The following ALS2 variants were observed in gnomAD, a reference collection of about 807,000 sequenced individuals.
ALS2 encodes the protein alsin Rho guanine nucleotide exchange factor ALS2, also known as alsin.
ALS2 carries 117 observed loss-of-function variants against 203.4 expected under a neutral mutation model. The ratio of observed to expected loss-of-function variants is 0.58; its 90% CI spans 0.50 to 0.67. The LOEUF (loss-of-function observed/expected upper bound fraction) is 0.67. Ranked by LOEUF, ALS2 falls within the 30% of genes least tolerant of loss-of-function variation. The probability of loss-of-function intolerance (pLI) is 0.00; values close to 1 mark genes in which losing one functional copy is unlikely to be tolerated. For missense variants in ALS2, 1,715 were observed against 1,989.4 expected (o/e 0.86, Z 2.62); for synonymous variants, 718 against 725.9 (o/e 0.99, Z 0.17).
chr2:201,779,847 A>G (rs762263167), intron 1 of ALS2: 1 of 152,188 alleles, frequency 6.6e-6, no homozygotes, highest in Non-Finnish European at 1.5e-5. Context: ...AGGTTAAAAC[A>G]CCGTAGTTTA....
intron 12 of ALS2, among the ~76,000 whole-genome samples, chr2:201,737,638 GGGGCT>G (rs1559060872): frequency 6.6e-6 from 1 of 152,136 alleles, no homozygotes; most frequent in Non-Finnish European, 1.5e-5. Flanking sequence ...AAGCAAACAT[GGGGCT>G]GGGCATGGTG....
chr2:201,729,225 T>C (rs1691388884), intron 13 of ALS2, 42 bp from the exon 14 acceptor site: 3 of 1,582,030 alleles, frequency 1.9e-6, no homozygotes, highest in Non-Finnish European at 2.6e-6. Context: ...AAAAAGAACA[T>C]AAAACCATTA....
chr2:201,750,102 G>A (rs1004901626), intron 7 of ALS2, among the ~76,000 whole-genome samples: 1 of 151,116 alleles, frequency 6.6e-6, no homozygotes, highest in African/African-American at 2.4e-5. Flanking sequence ...GCAGGCAGAA[G>A]TTGCAGTGAG....
At chr2:201,743,129 C>T (rs113069750) in intron 10 of ALS2, among the ~76,000 whole-genome samples, 7,865 of 150,618 alleles carry the variant, frequency 0.052, 222 homozygotes, top group Middle Eastern at 0.088. Flanking sequence ...ATGTCCTCAA[C>T]ATGGCAAAAG....
intron 7 of ALS2, among the ~76,000 whole-genome samples, 186 bp from the exon 8 acceptor site, chr2:201,749,975 C>A (rs927198174): frequency 2.0e-5 from 3 of 151,816 alleles, no homozygotes; most frequent in Admixed American, 6.6e-5. Flanking sequence ...AGAGATAATG[C>A]GCAAATAGAG....
In ALS2 at chr2:201,710,990, C is replaced by A; in HGVS notation, c.4122+1G>T. The A allele has an allele frequency of 6.4e-7, 1 of 1,564,528 alleles. No homozygotes were observed. Among genetic ancestry groups the A allele is most frequent in the Non-Finnish European group, 8.8e-7 (1 of 1,135,264 alleles). ...CCAATGTAATTTTTACTCTAGTTTA[C>A]CTTTATTAAATATTTCCTGATGTCA... is the stretch of plus-strand genomic sequence containing the variant. On this transcript the variant is annotated splice_donor_variant, in intron 26 of 33. Transcript: ENST00000264276. LOFTEE classifies it high-confidence loss of function.
rs1692675003 is a variant in ALS2, at chr2:201,746,599, A to G, written c.1965T>C (p.Gly655=). The change falls in exon 9 of 34, where the codon GGT becomes GGC. Residue 655 remains glycine (G), a synonymous_variant. Coordinates refer to ENST00000264276, the MANE Select transcript of ALS2 (RefSeq NM_020919.4). ...EGDNLPENHS[G]SKTPVLLSCS... The stretch of plus-strand genomic sequence containing the variant: ...AGGAGAGAAGTACTGGAGTCTTAGA[A>G]CCACTGTGATTCTCTGGAAGGTTGT... 1.2e-6 allele frequency: 2 copies of G among 1,614,194 alleles called. No homozygotes were observed. Among genetic ancestry groups the G allele is most frequent in the Admixed American group, 1.7e-5 (1 of 60,024 alleles).
At chr2:201,761,864 A>G in intron 3 of ALS2, 46 bp from the exon 4 acceptor site, 1 of 1,596,828 alleles carries the variant, frequency 6.3e-7, no homozygotes, top group Non-Finnish European at 8.5e-7. Flanking sequence ...GGGTTAGTGA[A>G]TTAACTAAAA....
chr2:201,747,913 C>T (rs1052591417), intron 8 of ALS2, among the ~76,000 whole-genome samples: 11 of 152,210 alleles, frequency 7.2e-5, no homozygotes, highest in Non-Finnish European at 1.2e-4. Flanking sequence ...CCACTCCATC[C>T]TTAACCAAAG....
At chr2:201,763,758 T>C (rs1693901704) in intron 3 of ALS2, among the ~76,000 whole-genome samples, 1 of 152,224 alleles carries the variant, frequency 6.6e-6, no homozygotes, top group Non-Finnish European at 1.5e-5. Flanking sequence ...TGTCCAGCTA[T>C]GCTACCAAGT....
At chr2:201,729,297 G>A in intron 13 of ALS2, 114 bp from the exon 14 acceptor site, 1 of 1,240,294 alleles carries the variant, frequency 8.1e-7, no homozygotes, top group East Asian at 2.6e-5. Context: ...AGAAAATTCA[G>A]CCCACGAGCA....
At chr2:201,739,628 A>G (rs2106038612) in intron 11 of ALS2, among the ~76,000 whole-genome samples, 1 of 152,230 alleles carries the variant, frequency 6.6e-6, no homozygotes, top group South Asian at 2.1e-4. Context: ...CTGTAATCCC[A>G]GCTACTTGGG....
In ALS2 at chr2:201,700,611, A is replaced by G. The variant is rs984139595; in HGVS notation, c.*1240T>C. On this transcript the variant is annotated 3_prime_UTR_variant, in exon 34 of 34. Coordinates refer to ENST00000264276, the MANE Select transcript of ALS2 (RefSeq NM_020919.4). The stretch of plus-strand genomic sequence containing the variant: ...GTTACATTACAGCCAACATTCCAAA[A>G]CAGTATTTTAATAAACACTTGTCTT... The G allele has an allele frequency of 2.6e-5, 4 of 152,658 alleles. No individual in the cohort carries two copies. Among genetic ancestry groups the G allele is most frequent in the Non-Finnish European group, 4.4e-5 (3 of 68,042 alleles). 9.5% of individuals were successfully genotyped at this position (152,658 alleles called of 1,614,324 possible). A position where few individuals can be genotyped will look rare whatever the true frequency, so the allele number is the denominator to read the frequency against.
At chr2:201,729,962 C>T in intron 13 of ALS2, among the ~76,000 whole-genome samples, 1 of 146,642 alleles carries the variant, frequency 6.8e-6, no homozygotes, top group East Asian at 2.0e-4. Flanking sequence ...TCTTTATTAT[C>T]TGGCTTTAAA....
At chr2:201,745,761 C>T (rs1283511537) in intron 9 of ALS2, among the ~76,000 whole-genome samples, 1 of 152,010 alleles carries the variant, frequency 6.6e-6, no homozygotes, top group Non-Finnish European at 1.5e-5. Context: ...CCAGCCTGAC[C>T]AACGTGGTGA....
chr2:201,726,797 AAGGGGGGAGATC>A lies in ALS2; in HGVS notation c.3037_3048del (p.Asp1013_Pro1016del). 1 of 1,614,182 alleles carries A rather than the reference AAGGGGGGAGATC, an allele frequency of 6.2e-7. No individual in the cohort carries two copies. The highest frequency in any genetic ancestry group is 8.5e-7 in the Non-Finnish European group (1 of 1,180,018). On this transcript the variant is annotated inframe_deletion, in exon 18 of 34. Coordinates refer to ENST00000264276, the MANE Select transcript of ALS2 (RefSeq NM_020919.4). ...CTCTGAACACTGCTACCACTTCCATAAGGGGGGAGATCAGACATCCCTCTCAAAGCCTGATCT... is the reference window on the plus strand; with the variant it reads ...CTCTGAACACTGCTACCACTTCCATAAGACATCCCTCTCAAAGCCTGATCT...
At chr2:201,744,639 G>A (rs975284036) in intron 9 of ALS2, among the ~76,000 whole-genome samples, 1 of 151,960 alleles carries the variant, frequency 6.6e-6, no homozygotes, top group African/African-American at 2.4e-5. Flanking sequence ...TGGGGGGGTC[G>A]TCGGGGTCGC....
rs41308806 is a variant in ALS2, at chr2:201,767,189, G to T, written c.175+40C>A. ...ACCTTCCACACTCAGGCATTTGTTA[G>T]CATTGCAGTTCGTATTTGTTACGCC... is the stretch of plus-strand genomic sequence containing the variant. On this transcript the variant is annotated intron_variant, in intron 3 of 33. Coordinates refer to ENST00000264276, the MANE Select transcript of ALS2 (RefSeq NM_020919.4). 4.1e-5 allele frequency: 66 copies of T among 1,612,970 alleles called. No homozygotes were observed. The East Asian group carries it at 1.5e-3, about 36-fold the overall frequency.
chr2:201,712,109 T>C (rs1394429214), intron 25 of ALS2, among the ~76,000 whole-genome samples: 2 of 152,256 alleles, frequency 1.3e-5, no homozygotes, highest in Non-Finnish European at 2.9e-5. Context: ...TTTCTACATT[T>C]AATTTCTTGA....
Sources: allele counts gnomAD v4.1 joint callset (sites outside exome capture counted in the v4.1 genomes callset), GRCh38; gene constraint gnomAD v4.1.1; transcripts MANE v1.5; gene names NCBI Gene and HGNC (gene_info 2026-07-23, HGNC 2026-07-21).